BRD10: variants seen among roughly 807,000 people sequenced by gnomAD.
The protein encoded by BRD10 is uncharacterized bromodomain-containing protein 10.
the BRD10 span, among the ~76,000 whole-genome samples, chr9:5,958,607 G>C: frequency 2.0e-5 from 3 of 152,094 alleles, no homozygotes; most frequent in South Asian, 6.2e-4. Flanking sequence ...GCAACATAGC[G>C]AGATCCTGTC....
At chr9:5,988,353 T>G in the BRD10 span, 1 of 1,611,190 alleles carries the variant, frequency 6.2e-7, no homozygotes, top group Non-Finnish European at 8.5e-7. Flanking sequence ...ACCTTTTTTC[T>G]TCTTTTGCTC....
the BRD10 span, chr9:6,008,231 G>C: frequency 1.0e-6 from 1 of 979,032 alleles, no homozygotes; most frequent in Non-Finnish European, 1.2e-6. Flanking sequence ...GGGCCGCAGC[G>C]GCGGCTCCGG....
chr9:5,967,475 T>C, the BRD10 span, among the ~76,000 whole-genome samples: 1 of 151,794 alleles, frequency 6.6e-6, no homozygotes, highest in Non-Finnish European at 1.5e-5. Flanking sequence ...TCATGTCTTA[T>C]TAATTGATGT....
chr9:6,008,000 GAGAGA>G, the BRD10 span: 7 of 1,265,376 alleles, frequency 5.5e-6, no homozygotes, highest in African/African-American at 1.6e-5. Context: ...GAGGAGGGGG[GAGAGA>G]AGAGGAGAGC....
the BRD10 span, among the ~76,000 whole-genome samples, chr9:5,947,394 G>A: frequency 2.4e-4 from 37 of 151,950 alleles, no homozygotes; most frequent in African/African-American, 8.9e-4. Flanking sequence ...GGAACATTCT[G>A]GTACCATGGA....
chr9:5,975,255 G>C, the BRD10 span, among the ~76,000 whole-genome samples: 1 of 151,316 alleles, frequency 6.6e-6, no homozygotes, highest in Non-Finnish European at 1.5e-5. Context: ...GACCAACATG[G>C]TGAAACTCTG....
chr9:5,920,840 G>C, the BRD10 span: 2 of 1,613,922 alleles, frequency 1.2e-6, no homozygotes, highest in African/African-American at 2.7e-5. Context: ...AACAGATGAT[G>C]CAAGGTGTCC....
At chr9:5,940,071 C>A in the BRD10 span, among the ~76,000 whole-genome samples, 9 of 152,084 alleles carry the variant, frequency 5.9e-5, no homozygotes, top group African/African-American at 1.7e-4. Context: ...TCTGAATTTA[C>A]CTTATTTTAA....
chr9:6,005,946 A>T, the BRD10 span, among the ~76,000 whole-genome samples: 3 of 152,226 alleles, frequency 2.0e-5, no homozygotes, highest in African/African-American at 7.2e-5. Flanking sequence ...GCACTATGTT[A>T]ACTGTTTTTG....
the BRD10 span, among the ~76,000 whole-genome samples, chr9:5,939,768 T>C: frequency 6.6e-6 from 1 of 152,212 alleles, no homozygotes; most frequent in African/African-American, 2.4e-5. Flanking sequence ...AGACAGTTCT[T>C]TGTTGTGGAG....
the BRD10 span, among the ~76,000 whole-genome samples, chr9:5,934,696 C>A: frequency 3.2e-4 from 49 of 151,916 alleles, 1 homozygote; most frequent in African/African-American, 1.1e-3. Flanking sequence ...AACACAAATA[C>A]CTTTTAGAAA....
At chr9:5,920,304 T>C in the BRD10 span, 24 of 1,613,972 alleles carry the variant, frequency 1.5e-5, 1 homozygote, top group African/African-American at 2.9e-4. Flanking sequence ...GGTGGAACAA[T>C]AAACCGGGTT....
At chr9:5,920,038 T>TAA in the BRD10 span, 1 of 1,613,992 alleles carries the variant, frequency 6.2e-7, no homozygotes, top group South Asian at 1.1e-5. Flanking sequence ...CAGTTGTGTT[T>TAA]ATGAGTTGTG....
the BRD10 span, among the ~76,000 whole-genome samples, chr9:5,933,316 A>C: frequency 6.6e-6 from 1 of 152,244 alleles, no homozygotes; most frequent in South Asian, 2.1e-4. Flanking sequence ...TAATTCAAAT[A>C]TTTACTGAAG....
At chr9:5,993,858 T>A in the BRD10 span, among the ~76,000 whole-genome samples, 1 of 152,158 alleles carries the variant, frequency 6.6e-6, no homozygotes, top group African/African-American at 2.4e-5. Flanking sequence ...CAAATGGAGA[T>A]TAACAGCACA....
At chr9:5,901,170 G>A in the BRD10 span, among the ~76,000 whole-genome samples, 3 of 152,028 alleles carry the variant, frequency 2.0e-5, no homozygotes, top group Non-Finnish European at 2.9e-5. Flanking sequence ...AATTGACAAG[G>A]GCAGTTTTAT....
the BRD10 span, among the ~76,000 whole-genome samples, chr9:5,901,932 A>C: frequency 6.6e-6 from 1 of 151,936 alleles, no homozygotes; most frequent in East Asian, 1.9e-4. Context: ...TTTTGTTGAG[A>C]TTTTTTGCAT....
At chr9:6,001,145 C>A in the BRD10 span, among the ~76,000 whole-genome samples, 1 of 152,202 alleles carries the variant, frequency 6.6e-6, no homozygotes, top group African/African-American at 2.4e-5. Context: ...CCATTTACCA[C>A]TGATACCTGT....
At chr9:5,965,296 A>C in the BRD10 span, among the ~76,000 whole-genome samples, 3 of 152,206 alleles carry the variant, frequency 2.0e-5, no homozygotes, top group South Asian at 4.1e-4. Context: ...TACTCGAAAA[A>C]AAGCTGTGTT....
Sources: gnomAD v4.1 joint callset for allele counts (sites outside exome capture counted in the v4.1 genomes callset) on GRCh38, gnomAD v4.1.1 for gene constraint, MANE v1.5 for transcripts, NCBI Gene and HGNC (gene_info 2026-07-23, HGNC 2026-07-21) for gene names.